Variants in RBFOX1 observed in about 807,000 individuals in gnomAD.
RBFOX1 encodes the protein RNA binding fox-1 homolog 1.
In RBFOX1, 8 loss-of-function variants were observed where a neutral mutation model predicts 57.7. The observed-to-expected ratio is 0.14, with a 90% CI of 0.08 to 0.25. RBFOX1 has a LOEUF of 0.25. RBFOX1 is among the 10% of genes least tolerant of loss of function. RBFOX1 has a pLI of 1.00. For synonymous variants in RBFOX1, 326 were observed against 222.4 expected, an observed-to-expected ratio of 1.47 and a Z score of -4.15; for missense variants, 611 against 548.5, an observed-to-expected ratio of 1.11 and a Z score of -1.14.
intron 3 of RBFOX1, among the ~76,000 whole-genome samples, chr16:6,892,006 G>C (rs1037820316): frequency 6.6e-6 from 1 of 152,114 alleles, no homozygotes; most frequent in African/African-American, 2.4e-5. Context: ...CTGCAAAAAA[G>C]AATCTTCTGT....
chr16:7,068,784 T>G (rs1476167572), intron 4 of RBFOX1, among the ~76,000 whole-genome samples: 1 of 152,136 alleles, frequency 6.6e-6, no homozygotes, highest in Admixed American at 6.6e-5. Flanking sequence ...AGATGGAGTT[T>G]CACCATGTTG....
chr16:6,195,684 A>T (rs1286494652), intron 1 of RBFOX1, among the ~76,000 whole-genome samples: 1 of 151,428 alleles, frequency 6.6e-6, no homozygotes, highest in Non-Finnish European at 1.5e-5. Flanking sequence ...GCACCATTGC[A>T]CTCCAGCCTG....
At chr16:6,750,505 A>G (rs1277356255) in intron 3 of RBFOX1, among the ~76,000 whole-genome samples, 1 of 152,238 alleles carries the variant, frequency 6.6e-6, no homozygotes, top group Non-Finnish European at 1.5e-5. Flanking sequence ...GTTTCTTGAT[A>G]CGCTGTTAAC....
At chr16:7,468,414 C>T (rs959877484) in intron 4 of RBFOX1, among the ~76,000 whole-genome samples, 1 of 150,694 alleles carries the variant, frequency 6.6e-6, no homozygotes, top group African/African-American at 2.4e-5. Flanking sequence ...CACGCTGCTA[C>T]TTGCACTCAA....
rs1017695584 is a variant in RBFOX1 at position 6,778,485 on chromosome 16, C to T, written c.-16+123835C>T. Among the ~76,000 whole-genome samples, 4 of 152,194 alleles carry T rather than the reference C, an allele frequency of 2.6e-5. No homozygotes were observed. In the East Asian group the frequency reaches 5.8e-4, roughly 22 times the overall value. On this transcript the variant is annotated intron_variant, in intron 3 of 15. Coordinates refer to ENST00000550418, the MANE Select transcript of RBFOX1 (RefSeq NM_018723.4). ...GTATGTATCTCTAAATATAATTACA[C>T]CCAATCCTTCAACATTAACATTGAT...
chr16:7,204,923 C>G (rs996209913), intron 4 of RBFOX1, among the ~76,000 whole-genome samples: 1 of 152,170 alleles, frequency 6.6e-6, no homozygotes, highest in Admixed American at 6.5e-5. Context: ...CTTGCACTGT[C>G]TGGGACTATG....
chr16:5,863,772 G>A (rs1436115), intron 3 of RBFOX1, among the ~76,000 whole-genome samples: 76,753 of 152,002 alleles, frequency 0.5, 19,781 homozygotes, highest in African/African-American at 0.62. Flanking sequence ...ACCACTCCCT[G>A]TTGCATCACT....
intron 1 of RBFOX1, among the ~76,000 whole-genome samples, chr16:6,057,825 GTTTTTTT>G (rs34335596): frequency 2.5e-5 from 2 of 81,122 alleles, no homozygotes; most frequent in Non-Finnish European, 4.3e-5. Flanking sequence ...TTTGCTATGG[GTTTTTTT>G]TTTTTTTTTT....
At chr16:5,697,923 A>G (rs945373971) in intron 3 of RBFOX1, among the ~76,000 whole-genome samples, 1 of 152,162 alleles carries the variant, frequency 6.6e-6, no homozygotes, top group East Asian at 1.9e-4. Flanking sequence ...TACTGTACCA[A>G]GTTTGCTAAA....
chr16:7,504,256 C>T (rs2072002004), intron 4 of RBFOX1, among the ~76,000 whole-genome samples: 1 of 151,864 alleles, frequency 6.6e-6, no homozygotes, highest in African/African-American at 2.4e-5. Flanking sequence ...GATGGAAGTT[C>T]TATTTATAGA....
At chr16:5,637,313 C>G (rs1378001533) in intron 3 of RBFOX1, among the ~76,000 whole-genome samples, 3 of 152,074 alleles carry the variant, frequency 2.0e-5, no homozygotes, top group African/African-American at 7.2e-5. Context: ...TGCCCCCTAC[C>G]CCAGTTTAAA....
intron 4 of RBFOX1, among the ~76,000 whole-genome samples, chr16:7,204,934 C>T (rs1055127594): frequency 6.6e-6 from 1 of 152,190 alleles, no homozygotes. Context: ...TGGGACTATG[C>T]ACTTCAACTT....
At chr16:7,404,872 C>T (rs1026524255) in intron 4 of RBFOX1, among the ~76,000 whole-genome samples, 7 of 152,058 alleles carry the variant, frequency 4.6e-5, no homozygotes, top group Non-Finnish European at 8.8e-5. Context: ...GTGAGGGGTG[C>T]CGTTCAGGAT....
intron 3 of RBFOX1, among the ~76,000 whole-genome samples, chr16:6,836,149 A>G (rs1468959525): frequency 6.6e-6 from 1 of 152,204 alleles, no homozygotes; most frequent in Non-Finnish European, 1.5e-5. Context: ...TCATGGGTGA[A>G]CCATTAATAC....
intron 3 of RBFOX1, among the ~76,000 whole-genome samples, chr16:5,780,356 G>T (rs1264996846): frequency 6.6e-6 from 1 of 151,982 alleles, no homozygotes; most frequent in Admixed American, 6.6e-5. Flanking sequence ...TTTCTTCTGG[G>T]TACAGGAAAG....
In RBFOX1 at chr16:7,044,561, A is replaced by G. The variant is rs78225243; in HGVS notation, c.-15-7496A>G. ...TTATTGCTTCAGTTTCTAACCTTTC[A>G]TAAGTGCTTACTTGGCAGCCCTTTC... On this transcript the variant is annotated intron_variant, in intron 3 of 15. Transcript: ENST00000550418. Among the ~76,000 whole-genome samples the G allele has an allele frequency of 8.3e-3, 1,267 of 152,310 alleles. 16 individuals carry two copies. The highest frequency in any genetic ancestry group is 0.029 in the African/African-American group (1,185 of 41,576).
chr16:6,639,350 C>T (rs377560583), intron 2 of RBFOX1, among the ~76,000 whole-genome samples: 8 of 152,126 alleles, frequency 5.3e-5, no homozygotes, highest in South Asian at 2.1e-4. Context: ...TTTACAAGAG[C>T]GGTTTAGTAG....
chr16:5,564,511 C>A (rs936698114), intron 2 of RBFOX1, among the ~76,000 whole-genome samples: 10 of 152,140 alleles, frequency 6.6e-5, no homozygotes, highest in African/African-American at 2.4e-4. Flanking sequence ...GAACAAGTTT[C>A]ATAACACGTG....
At chr16:7,627,624 G>C (rs2060280140) in intron 10 of RBFOX1, among the ~76,000 whole-genome samples, 1 of 152,154 alleles carries the variant, frequency 6.6e-6, no homozygotes, top group Non-Finnish European at 1.5e-5. Flanking sequence ...TGACCTTGTA[G>C]GCCCTCTCCA....
Sources: allele counts gnomAD v4.1 joint callset (sites outside exome capture counted in the v4.1 genomes callset), GRCh38; gene constraint gnomAD v4.1.1; transcripts MANE v1.5; gene names NCBI Gene and HGNC (gene_info 2026-07-23, HGNC 2026-07-21).